PLD1: variants seen among roughly 807,000 people sequenced by gnomAD.
PLD1 encodes phospholipase D1.
In PLD1, 112 loss-of-function variants were observed where a neutral mutation model predicts 137.1. The observed-to-expected ratio is 0.82, with a 90% CI of 0.70 to 0.96. The LOEUF is 0.96. Ranked by LOEUF, PLD1 falls within the 40% of genes least tolerant of loss-of-function variation. The probability of loss-of-function intolerance (pLI) is 0.00; values close to 1 mark genes in which losing one functional copy is unlikely to be tolerated. For synonymous variants in PLD1, 431 were observed against 454.7 expected, an observed-to-expected ratio of 0.95 and a Z score of 0.66; for missense variants, 1,321 against 1,342.0, an observed-to-expected ratio of 0.98 and a Z score of 0.24.
chr3:171,635,799 TTA>T (rs1425882958), intron 23 of PLD1, among the ~76,000 whole-genome samples: 18 of 151,852 alleles, frequency 1.2e-4, no homozygotes, highest in African/African-American at 4.3e-4. Flanking sequence ...TTATCTATTT[TTA>T]TATGTTTGCT....
chr3:171,730,367 ATCATG>A (rs1361820886), intron 6 of PLD1, among the ~76,000 whole-genome samples: 1 of 152,102 alleles, frequency 6.6e-6, no homozygotes, highest in Non-Finnish European at 1.5e-5. Context: ...CAACTGTCTG[ATCATG>A]ACTACACTAA....
In PLD1 at chr3:171,686,743, G is replaced by C; in HGVS notation, c.1809C>G (p.His603Gln). 6.2e-7 allele frequency: 1 copy of C among 1,609,514 alleles called. No individual in the cohort carries two copies. The highest frequency in any genetic ancestry group is 1.3e-5 in the African/African-American group (1 of 74,948). ...HHNLIHGLKPHFKLFHPSSES... is the reference protein window; with the variant it reads ...HHNLIHGLKPQFKLFHPSSES... ...CACTGGACGGGTGAAAGAGTTTGAA[G>C]TGGGGTTTTAAACCATGGATTAAAT... The change falls in exon 16 of 27, where the codon CAC (histidine) becomes CAG (glutamine). Residue 603 changes from histidine (H) to glutamine (Q), a missense_variant. His to Gln is a conservative substitution (Grantham distance 24, BLOSUM62 0). Coordinates refer to ENST00000351298, the MANE Select transcript of PLD1 (RefSeq NM_002662.5).
At chr3:171,673,650 C>T (rs10936698) in intron 19 of PLD1, among the ~76,000 whole-genome samples, 35,299 of 151,990 alleles carry the variant, frequency 0.23, 4,359 homozygotes, top group Admixed American at 0.3. Context: ...CAATTGCACA[C>T]GATGCAAAAT....
intron 1 of PLD1, among the ~76,000 whole-genome samples, chr3:171,796,222 G>C (rs1389252810): frequency 6.6e-6 from 1 of 152,214 alleles, no homozygotes; most frequent in African/African-American, 2.4e-5. Flanking sequence ...CAGTGGGAAA[G>C]ACAGAGTTGT....
rs536453622 is a variant in PLD1, at chr3:171,710,383, G to A, written c.912-674C>T. 4.5e-4 allele frequency among the ~76,000 whole-genome samples: 69 copies of A among 152,310 alleles called. 1 individual carries two copies. The highest frequency in any genetic ancestry group is 1.5e-3 in the African/African-American group (62 of 41,562). Reference sequence around the variant, plus strand: ...TGGTACCAGGGACAGGCTTGTGGAAGGCAATTTTTCCACGGATGATGGGGA... The same window carrying A: ...TGGTACCAGGGACAGGCTTGTGGAAAGCAATTTTTCCACGGATGATGGGGA... On this transcript the variant is annotated intron_variant, in intron 9 of 26. Coordinates refer to ENST00000351298, the MANE Select transcript of PLD1 (RefSeq NM_002662.5).
chr3:171,629,388 C>A (rs1237924658), intron 23 of PLD1, among the ~76,000 whole-genome samples: 1 of 152,170 alleles, frequency 6.6e-6, no homozygotes, highest in African/African-American at 2.4e-5. Flanking sequence ...GAAGAATATT[C>A]CATGCTCATG....
chr3:171,664,519 A>G (rs6782508), intron 19 of PLD1, among the ~76,000 whole-genome samples: 69,789 of 150,908 alleles, frequency 0.46, 16,479 homozygotes, highest in African/African-American at 0.55. Flanking sequence ...GTGCAGTGGC[A>G]TGATCTCAGC....
intron 1 of PLD1, among the ~76,000 whole-genome samples, chr3:171,752,889 T>C (rs1398695360): frequency 2.6e-5 from 4 of 152,196 alleles, no homozygotes; most frequent in Non-Finnish European, 1.5e-5. Context: ...ATACAAAACC[T>C]GGTCTGTAAT....
intron 1 of PLD1, among the ~76,000 whole-genome samples, chr3:171,745,035 C>A (rs960819930): frequency 3.3e-5 from 5 of 152,172 alleles, no homozygotes; most frequent in Non-Finnish European, 7.4e-5. Context: ...TTTGGACGAC[C>A]TTTTAAAAAC....
At chr3:171,694,490 C>A (rs1334452620) in intron 12 of PLD1, among the ~76,000 whole-genome samples, 1 of 151,594 alleles carries the variant, frequency 6.6e-6, no homozygotes, top group East Asian at 1.9e-4. Context: ...TTTTATTTTT[C>A]TCCTCTACTG....
At chr3:171,796,711 T>C (rs1723452906) in intron 1 of PLD1, among the ~76,000 whole-genome samples, 4 of 152,168 alleles carry the variant, frequency 2.6e-5, no homozygotes, top group Admixed American at 2.6e-4. Context: ...ACCAACACTC[T>C]TCACCAACAA....
In PLD1 at chr3:171,674,595, G is replaced by A. The variant is rs750491194; in HGVS notation, c.2134C>T (p.Arg712Trp). 37 of 1,570,944 alleles carry A rather than the reference G, an allele frequency of 2.4e-5. No individual in the cohort carries two copies. In the South Asian group the frequency reaches 2.5e-4, roughly 10 times the overall value. ...NFTKIMKSKY[R>W]SLSYPFLLPK... The stretch of plus-strand genomic sequence containing the variant: ...AGCAGAAAAGGATAAGAAAGGGACC[G>A]ATATTTTGATTTCATAATCTAAAAT... Residue 712 changes from arginine (R) to tryptophan (W), a missense_variant, in exon 19 of 27, where the codon CGG becomes TGG. Physicochemically the swap from Arg to Trp is moderately radical, Grantham distance 101. Transcript: ENST00000351298.
chr3:171,674,615 T>TA lies in PLD1; in HGVS notation c.2116-3dup, dbSNP rs1713143673. The TA allele has an allele frequency of 7.0e-7, 1 of 1,430,858 alleles. No homozygotes were observed. Among genetic ancestry groups the TA allele is most frequent in the African/African-American group, 1.4e-5 (1 of 70,650 alleles). 88.6% of individuals were successfully genotyped at this position (1,430,858 alleles called of 1,614,324 possible). On this transcript the variant is annotated splice_region_variant and splice_polypyrimidine_tract_variant and intron_variant, in intron 18 of 26. Transcript: ENST00000351298. The stretch of plus-strand genomic sequence containing the variant: ...GGACCGATATTTTGATTTCATAATC[T>TA]AAAATAAAGAAAAAGGATAAAATAT...
At chr3:171,710,561 C>G (rs9835318) in intron 9 of PLD1, among the ~76,000 whole-genome samples, 20,862 of 152,080 alleles carry the variant, frequency 0.14, 1,499 homozygotes, top group South Asian at 0.22. Context: ...TGACAGAAGG[C>G]GGAACTCAGG....
intron 1 of PLD1, among the ~76,000 whole-genome samples, chr3:171,773,356 G>C (rs535357102): frequency 1.3e-5 from 2 of 152,274 alleles, no homozygotes; most frequent in South Asian, 4.1e-4. Flanking sequence ...CACGTTGGGA[G>C]GCCGAGGCGG....
At chr3:171,710,049 GC>G (rs201541283) in intron 9 of PLD1, among the ~76,000 whole-genome samples, 5,424 of 152,122 alleles carry the variant, frequency 0.036, 144 homozygotes, top group Non-Finnish European at 0.053. Flanking sequence ...CCGTACAGCA[GC>G]GGTCCCCAAC....
At chr3:171,732,650 T>C (rs1719033031) in intron 6 of PLD1, among the ~76,000 whole-genome samples, 1 of 152,254 alleles carries the variant, frequency 6.6e-6, no homozygotes, top group Non-Finnish European at 1.5e-5. Context: ...GCACCAACTC[T>C]AGAGTTCTGC....
intron 1 of PLD1, among the ~76,000 whole-genome samples, chr3:171,802,241 C>A (rs894813298): frequency 1.3e-5 from 2 of 152,084 alleles, no homozygotes; most frequent in Non-Finnish European, 2.9e-5. Flanking sequence ...AGCTTAAGTT[C>A]TTGTGTAGAA....
chr3:171,639,598 C>CATATAAT (rs1553806064), intron 23 of PLD1, among the ~76,000 whole-genome samples: 4 of 76,372 alleles, frequency 5.2e-5, no homozygotes, highest in African/African-American at 6.8e-5. Flanking sequence ...AATATATATT[C>CATATAAT]ATATAATATA....
Sources: gnomAD v4.1 joint callset for allele counts (sites outside exome capture counted in the v4.1 genomes callset) on GRCh38, gnomAD v4.1.1 for gene constraint, MANE v1.5 for transcripts, NCBI Gene and HGNC (gene_info 2026-07-23, HGNC 2026-07-21) for gene names.